The following VPS13C variants were observed in gnomAD, a reference collection of about 807,000 sequenced individuals.
VPS13C encodes the protein intermembrane lipid transfer protein VPS13C.
A neutral mutation model predicts 456.8 loss-of-function variants in VPS13C; 358 were observed. The observed-to-expected ratio is 0.78, with a 90% CI of 0.72 to 0.86. The LOEUF (loss-of-function observed/expected upper bound fraction) is 0.86, where lower values mean the gene tolerates loss of function less well. Among genes scored for constraint, VPS13C ranks in the 40% least tolerant of loss-of-function variants. The probability of loss-of-function intolerance (pLI) is 0.00; values close to 1 mark genes in which losing one functional copy is unlikely to be tolerated. For synonymous variants in VPS13C, 1,578 were observed against 1,486.7 expected, an observed-to-expected ratio of 1.06 and a Z score of -1.41; for missense variants, 4,818 against 4,385.4, an observed-to-expected ratio of 1.10 and a Z score of -2.79.
chr15:61,950,767 T>C (rs1159907811), intron 40 of VPS13C, among the ~76,000 whole-genome samples, 178 bp downstream of exon 40: 1 of 152,014 alleles, frequency 6.6e-6, no homozygotes, highest in South Asian at 2.1e-4. Context: ...TTCAATATCA[T>C]AGGGTAACTC....
intron 24 of VPS13C, among the ~76,000 whole-genome samples, chr15:61,976,800 G>T (rs1199269556): frequency 6.6e-6 from 1 of 151,882 alleles, no homozygotes; most frequent in Non-Finnish European, 1.5e-5. Context: ...CCTCTAATGT[G>T]TTCGAAGATT....
chr15:61,974,472 A>T, intron 24 of VPS13C, 55 bp from the exon 25 acceptor site: 1 of 1,572,288 alleles, frequency 6.4e-7, no homozygotes, highest in Admixed American at 1.7e-5. Flanking sequence ...CAAACGAGGG[A>T]AAGAATTGCA....
chr15:61,967,052 G>T (rs938848075), intron 29 of VPS13C, among the ~76,000 whole-genome samples: 1 of 151,762 alleles, frequency 6.6e-6, no homozygotes, highest in African/African-American at 2.4e-5. Context: ...TTTGATGCAG[G>T]ATACTCAGCC....
In VPS13C at chr15:61,920,122, T is replaced by C. The variant is rs770086114; in HGVS notation, c.7422A>G (p.Gln2474=). The change falls in exon 57 of 85, where the codon CAA becomes CAG. Residue 2474 remains glutamine, a synonymous_variant. Coordinates refer to ENST00000644861, the MANE Select transcript of VPS13C (RefSeq NM_020821.3). ...LEYASMVPSS[Q]GNLSILSRQE... ...GACGGCTCAATATAGATAGGTTCCCTTGACTTGAAGGTACCATGCTGGCAT... is the reference window on the plus strand; with the variant it reads ...GACGGCTCAATATAGATAGGTTCCCCTGACTTGAAGGTACCATGCTGGCAT... 1.4e-5 allele frequency: 22 copies of C among 1,613,316 alleles called. No individual in the cohort carries two copies. In the Admixed American group the frequency reaches 2.5e-4, roughly 18 times the overall value.
chr15:61,958,661 A>G lies in VPS13C; in HGVS notation c.4112T>C (p.Leu1371Pro). 1 of 1,574,632 alleles carries G rather than the reference A, an allele frequency of 6.4e-7. No individual in the cohort carries two copies. Among genetic ancestry groups the G allele is most frequent in the Non-Finnish European group, 8.6e-7 (1 of 1,165,592 alleles). Residue 1371 changes from leucine (L) to proline (P), a missense_variant, in exon 37 of 85, where the codon CTC becomes CCC. Leu to Pro is a moderately conservative substitution (Grantham distance 98). Transcript: ENST00000644861. ...ATCCAAGTCTTCAGTACCCTCACAG[A>G]GATTTTCTGTTAGTATCCTAAATAA... ...NLLFRILTEN[L>P]CEGTEDLDKV... is the part of the protein sequence containing the mutation.
chr15:61,895,199 A>AT (rs1333488634), intron 66 of VPS13C, among the ~76,000 whole-genome samples: 4 of 152,162 alleles, frequency 2.6e-5, no homozygotes, highest in Non-Finnish European at 4.4e-5. Context: ...AATCTACAGG[A>AT]TACAGCAAAA....
intron 15 of VPS13C, among the ~76,000 whole-genome samples, chr15:62,006,035 G>C (rs1305165768): frequency 6.6e-6 from 1 of 151,518 alleles, no homozygotes; most frequent in Non-Finnish European, 1.5e-5. Context: ...GAGTACATAA[G>C]ACCTCTTCTT....
chr15:61,892,796 A>G (rs186221637), intron 66 of VPS13C, among the ~76,000 whole-genome samples: 18 of 152,324 alleles, frequency 1.2e-4, no homozygotes, highest in Admixed American at 1.0e-3. Flanking sequence ...AAACAGACTG[A>G]AATAATAAAA....
chr15:61,990,657 A>G (rs894728132), intron 18 of VPS13C, among the ~76,000 whole-genome samples: 94 of 152,188 alleles, frequency 6.2e-4, no homozygotes, highest in Non-Finnish European at 1.9e-4. Context: ...CTAAAAACAC[A>G]AAAATTAGCC....
chr15:62,059,618 A>G (rs1252435596), intron 1 of VPS13C, among the ~76,000 whole-genome samples: 1 of 152,198 alleles, frequency 6.6e-6, no homozygotes, highest in African/African-American at 2.4e-5. Context: ...ATTTCTCTCT[A>G]TTGCTCCAAA....
intron 49 of VPS13C, among the ~76,000 whole-genome samples, chr15:61,932,631 G>A (rs1420297178): frequency 1.3e-5 from 2 of 151,982 alleles, no homozygotes; most frequent in African/African-American, 2.4e-5. Context: ...GGGGTGCTGG[G>A]TATGTGCAAT....
intron 40 of VPS13C, 147 bp from the exon 41 acceptor site, chr15:61,950,564 A>C: frequency 1.5e-6 from 1 of 676,508 alleles, no homozygotes; most frequent in Non-Finnish European, 2.4e-6. Context: ...TCAAAAAAAA[A>C]AAACAAAAAC....
At chr15:61,943,134 G>T (rs907315849) in intron 45 of VPS13C, among the ~76,000 whole-genome samples, 1 of 152,048 alleles carries the variant, frequency 6.6e-6, no homozygotes, top group Non-Finnish European at 1.5e-5. Flanking sequence ...CAGACAAATG[G>T]AAAAACATTC....
At chr15:61,893,278 C>A (rs2042706821) in intron 66 of VPS13C, among the ~76,000 whole-genome samples, 1 of 152,042 alleles carries the variant, frequency 6.6e-6, no homozygotes, top group African/African-American at 2.4e-5. Context: ...ATTTGTCTGG[C>A]AACTGACTTC....
intron 18 of VPS13C, 133 bp from the exon 19 acceptor site, chr15:61,985,132 T>C: frequency 1.6e-6 from 1 of 631,704 alleles, no homozygotes; most frequent in Non-Finnish European, 2.4e-6. Context: ...GGCATCCACA[T>C]GCTCACCATA....
At chr15:61,946,861 T>C (rs974724713) in intron 43 of VPS13C, among the ~76,000 whole-genome samples, 2 of 152,072 alleles carry the variant, frequency 1.3e-5, no homozygotes, top group Non-Finnish European at 2.9e-5. Flanking sequence ...ACTTGATGAA[T>C]AGTCTTACTT....
intron 65 of VPS13C, 27 bp downstream of exon 65, chr15:61,908,964 AT>A (rs1162702697): frequency 6.2e-7 from 1 of 1,607,518 alleles, no homozygotes; most frequent in South Asian, 1.1e-5. Flanking sequence ...CAATAAAAGT[AT>A]TTCCCATTAA....
At position 61,902,561 on chromosome 15, in the gene VPS13C, T is replaced by C. The variant is rs1215258786; in HGVS notation, c.9105+4703A>G. Among the ~76,000 whole-genome samples, 3 of 149,286 alleles carry C rather than the reference T, an allele frequency of 2.0e-5. No homozygotes were observed. The East Asian group carries it at 5.8e-4, about 29-fold the overall frequency. On this transcript the variant is annotated intron_variant, in intron 66 of 84. Coordinates refer to ENST00000644861, the MANE Select transcript of VPS13C (RefSeq NM_020821.3). ...ATGGTTCAACATAAGCAAATTAACA[T>C]GACACATGACATTAATAGAATCAAG...
chr15:61,994,005 T>C (rs1273584173), intron 16 of VPS13C, among the ~76,000 whole-genome samples: 1 of 152,088 alleles, frequency 6.6e-6, no homozygotes, highest in Non-Finnish European at 1.5e-5. Context: ...AATATACAAA[T>C]GAGACCTAAG....
Sources: allele counts gnomAD v4.1 joint callset (sites outside exome capture counted in the v4.1 genomes callset), GRCh38; gene constraint gnomAD v4.1.1; transcripts MANE v1.5; gene names NCBI Gene and HGNC (gene_info 2026-07-23, HGNC 2026-07-21).